Variants in CDH13 observed in about 807,000 individuals in gnomAD.
CDH13 encodes cadherin 13.
A neutral mutation model predicts 63.8 loss-of-function variants in CDH13; 24 were observed. That is an observed-to-expected ratio of 0.38 (90% CI 0.27 to 0.53). The LOEUF (loss-of-function observed/expected upper bound fraction) is 0.53. Among genes scored for constraint, CDH13 ranks in the 20% least tolerant of loss-of-function variants. CDH13 has a pLI of 0.85. For synonymous variants in CDH13, 503 were observed against 355.3 expected (o/e 1.42, Z -4.67); for missense variants, 1,049 against 903.1 (o/e 1.16, Z -2.07).
At chr16:83,283,217 T>C (rs1263729492) in intron 5 of CDH13, among the ~76,000 whole-genome samples, 3 of 152,204 alleles carry the variant, frequency 2.0e-5, no homozygotes, top group Non-Finnish European at 2.9e-5. Flanking sequence ...GTGGAGTTAC[T>C]GGATGATACC....
intron 6 of CDH13, among the ~76,000 whole-genome samples, chr16:83,409,431 C>A (rs2092095032): frequency 6.6e-6 from 1 of 152,142 alleles, no homozygotes; most frequent in African/African-American, 2.4e-5. Context: ...AGGAGTAAGA[C>A]CCGGGGCTAT....
rs557715922 is a variant in CDH13, at chr16:83,011,967, C to G, written c.158-20043C>G. Among the ~76,000 whole-genome samples the G allele has an allele frequency of 1.6e-4, 25 of 152,182 alleles. No individual in the cohort carries two copies. In the South Asian group the frequency reaches 3.5e-3, roughly 22 times the overall value. Reference sequence around the variant, plus strand: ...GAGTGAGTAACGCTGCCTTATTCTCCTTTTATTTCTCACCCACTCTTTTTG... The same window carrying G: ...GAGTGAGTAACGCTGCCTTATTCTCGTTTTATTTCTCACCCACTCTTTTTG... On this transcript the variant is annotated intron_variant, in intron 2 of 13. Coordinates refer to ENST00000567109, the MANE Select transcript of CDH13 (RefSeq NM_001257.5).
At chr16:83,483,241 G>C (rs1252105963) in intron 6 of CDH13, among the ~76,000 whole-genome samples, 1 of 152,174 alleles carries the variant, frequency 6.6e-6, no homozygotes, top group African/African-American at 2.4e-5. Context: ...ATTTCCTCCA[G>C]AGTAAATCCA....
At chr16:83,682,655 C>G (rs983110701) in intron 10 of CDH13, among the ~76,000 whole-genome samples, 1 of 152,166 alleles carries the variant, frequency 6.6e-6, no homozygotes, top group Non-Finnish European at 1.5e-5. Flanking sequence ...CTCACTCCTC[C>G]TCCTTCCTCT....
intron 3 of CDH13, among the ~76,000 whole-genome samples, chr16:83,060,240 C>T (rs2031403028): frequency 6.6e-6 from 1 of 152,102 alleles, no homozygotes; most frequent in South Asian, 2.1e-4. Context: ...TATTTTGTTG[C>T]CACAACTTCT....
intron 7 of CDH13, among the ~76,000 whole-genome samples, chr16:83,517,256 G>A (rs2074718301): frequency 6.6e-6 from 1 of 152,202 alleles, no homozygotes; most frequent in Non-Finnish European, 1.5e-5. Context: ...GGCTCATAAA[G>A]AGATTATCAA....
At chr16:83,367,807 G>GA (rs557782753) in intron 6 of CDH13, among the ~76,000 whole-genome samples, 60 of 152,180 alleles carry the variant, frequency 3.9e-4, no homozygotes, top group African/African-American at 1.1e-3. Flanking sequence ...CAATTTCTGT[G>GA]AAAAAAGAGA....
At chr16:83,351,611 G>T (rs953251033) in intron 6 of CDH13, among the ~76,000 whole-genome samples, 1 of 152,120 alleles carries the variant, frequency 6.6e-6, no homozygotes, top group African/African-American at 2.4e-5. Flanking sequence ...ATCTACCATC[G>T]TCTCCTTAAC....
intron 7 of CDH13, among the ~76,000 whole-genome samples, chr16:83,563,968 G>A (rs2075749770): frequency 6.6e-6 from 1 of 152,190 alleles, no homozygotes; most frequent in African/African-American, 2.4e-5. Context: ...TTCACAGCCT[G>A]CCTGTATGAC....
At chr16:82,921,468 G>C (rs1333922512) in intron 2 of CDH13, among the ~76,000 whole-genome samples, 1 of 152,054 alleles carries the variant, frequency 6.6e-6, no homozygotes, top group Non-Finnish European at 1.5e-5. Flanking sequence ...AACAGTGCTG[G>C]CATTTAGGGA....
Position 83,313,455 on chromosome 16 carries a change from CT to C in CDH13, c.637-31403del, listed in dbSNP as rs561608522. Among the ~76,000 whole-genome samples the C allele has an allele frequency of 8.7e-4, 132 of 152,234 alleles. 1 individual carries two copies. The highest frequency in any genetic ancestry group is 3.2e-3 in the African/African-American group (132 of 41,534). ...AGCTATCCAGAAATCTAACAACTGC[CT>C]TTTCAGTAAGGTTACTCTGTGCTAA... On this transcript the variant is annotated intron_variant, in intron 5 of 13. Coordinates refer to ENST00000567109, the MANE Select transcript of CDH13 (RefSeq NM_001257.5).
chr16:82,914,732 C>T (rs16958847), intron 2 of CDH13, among the ~76,000 whole-genome samples: 2,548 of 152,262 alleles, frequency 0.017, 80 homozygotes, highest in African/African-American at 0.058. Context: ...GCTGTCCTGG[C>T]GTCCACAACT....
chr16:83,297,483 A>G (rs1373888213), intron 5 of CDH13, among the ~76,000 whole-genome samples: 3 of 152,148 alleles, frequency 2.0e-5, no homozygotes, highest in Non-Finnish European at 4.4e-5. Flanking sequence ...GAATGTAACA[A>G]ATGCTGTTCT....
At chr16:83,406,494 T>A (rs186415616) in intron 6 of CDH13, among the ~76,000 whole-genome samples, 28 of 151,764 alleles carry the variant, frequency 1.8e-4, no homozygotes, top group African/African-American at 6.0e-4. Flanking sequence ...AGTGGAGTCT[T>A]GCTTCATCGC....
At chr16:83,042,429 C>G (rs189502373) in intron 3 of CDH13, among the ~76,000 whole-genome samples, 12 of 152,190 alleles carry the variant, frequency 7.9e-5, no homozygotes, top group African/African-American at 2.7e-4. Flanking sequence ...TGATCTGTCA[C>G]TGTCTCCCAT....
intron 4 of CDH13, among the ~76,000 whole-genome samples, chr16:83,165,306 G>T (rs1003234509): frequency 2.0e-5 from 3 of 152,056 alleles, no homozygotes; most frequent in African/African-American, 7.2e-5. Context: ...GCCCACCCCT[G>T]CCTGTCTTGA....
intron 6 of CDH13, among the ~76,000 whole-genome samples, chr16:83,353,442 G>A (rs1275740909): frequency 6.6e-6 from 1 of 152,262 alleles, no homozygotes; most frequent in African/African-American, 2.4e-5. Context: ...ACCCTTGGCT[G>A]CTGGCTCATG....
rs550542128 is a variant in CDH13 at position 83,225,329 on chromosome 16, G to A, written c.636+7832G>A. ...CTGTGCTTATTTCTCCTGGTGCTCCGGTGTGCCATTTGAAAGCCCTCTCCA... is the reference window on the plus strand; with the variant it reads ...CTGTGCTTATTTCTCCTGGTGCTCCAGTGTGCCATTTGAAAGCCCTCTCCA... On this transcript the variant is annotated intron_variant, in intron 5 of 13. Transcript: ENST00000567109. Among the ~76,000 whole-genome samples, 9 of 152,252 alleles carry A rather than the reference G, an allele frequency of 5.9e-5. No homozygotes were observed. In the East Asian group the frequency reaches 7.7e-4, roughly 13 times the overall value.
In CDH13 at chr16:83,600,119, A is replaced by G. The variant is rs551958549; in HGVS notation, c.961-2335A>G. 9.2e-5 allele frequency among the ~76,000 whole-genome samples: 14 copies of G among 152,292 alleles called. No homozygotes were observed. The South Asian group carries it at 2.9e-3, about 32-fold the overall frequency. ...AACGAAACCAGCCAGGAGCAAAATTACCAGAATTCTTGAACCAGGCAGAAC... is the reference window on the plus strand; with the variant it reads ...AACGAAACCAGCCAGGAGCAAAATTGCCAGAATTCTTGAACCAGGCAGAAC... On this transcript the variant is annotated intron_variant, in intron 7 of 13. Coordinates refer to ENST00000567109, the MANE Select transcript of CDH13 (RefSeq NM_001257.5).
Sources: gnomAD v4.1 joint callset for allele counts (sites outside exome capture counted in the v4.1 genomes callset) on GRCh38, gnomAD v4.1.1 for gene constraint, MANE v1.5 for transcripts, NCBI Gene and HGNC (gene_info 2026-07-23, HGNC 2026-07-21) for gene names.